The following PTPRN2 variants were observed in gnomAD, a reference collection of about 807,000 sequenced individuals.
PTPRN2 encodes the protein protein tyrosine phosphatase receptor type N2, also known as receptor-type tyrosine-protein phosphatase N2.
Under a neutral mutation model 118.8 loss-of-function variants are expected in PTPRN2, and 74 were observed. That is an observed-to-expected ratio of 0.62 (90% CI 0.52 to 0.76). The LOEUF (loss-of-function observed/expected upper bound fraction) is 0.76. PTPRN2 is among the 30% of genes least tolerant of loss of function. The pLI, the probability that PTPRN2 is intolerant of heterozygous loss-of-function variation, is 0.00. For missense variants in PTPRN2, 1,481 were observed against 1,394.4 expected, an observed-to-expected ratio of 1.06 and a Z score of -0.99; for synonymous variants, 641 against 608.0, an observed-to-expected ratio of 1.05 and a Z score of -0.80.
At chr7:158,337,429 TAAGAGGTGACACCCACAGACG>T (rs1805860341) in intron 2 of PTPRN2, among the ~76,000 whole-genome samples, 6 of 69,462 alleles carry the variant, frequency 8.6e-5, no homozygotes, top group African/African-American at 3.2e-4. Flanking sequence ...ACTCTCACCA[TAAGAGGTGACACCCACAGACG>T]TCACTCAAAC....
chr7:158,342,142 G>A (rs567333309), intron 2 of PTPRN2, among the ~76,000 whole-genome samples: 74 of 144,236 alleles, frequency 5.1e-4, no homozygotes, highest in African/African-American at 1.8e-3. Context: ...GCTGTCGCCC[G>A]CAGAGGTCAC....
chr7:158,005,544 G>A (rs755234291), intron 11 of PTPRN2, among the ~76,000 whole-genome samples: 3 of 152,244 alleles, frequency 2.0e-5, no homozygotes, highest in Non-Finnish European at 4.4e-5. Flanking sequence ...AAAAGTAGGG[G>A]CTAGTAAAGC....
chr7:158,143,101 G>A (rs574523511), intron 6 of PTPRN2, among the ~76,000 whole-genome samples: 7 of 152,172 alleles, frequency 4.6e-5, no homozygotes, highest in East Asian at 1.9e-4. Context: ...CTTTCCCAGC[G>A]ATTATCATCG....
At position 157,893,960 on chromosome 7, in the gene PTPRN2, T is replaced by A. The variant is rs1692844419; in HGVS notation, c.1788+4713A>T. Among the ~76,000 whole-genome samples, 2 of 152,182 alleles carry A rather than the reference T, an allele frequency of 1.3e-5. No homozygotes were observed. The highest frequency in any genetic ancestry group is 6.5e-5 in the Admixed American group (1 of 15,276). Reference sequence around the variant, plus strand: ...TGCAGGGGACGGCTGGGTTCTGCCTTCAGAGGAAACAATGGGCCTTATTCC... The same window carrying A: ...TGCAGGGGACGGCTGGGTTCTGCCTACAGAGGAAACAATGGGCCTTATTCC... On this transcript the variant is annotated intron_variant, in intron 12 of 22. Transcript: ENST00000389418. The surrounding 1 kb of genome is among the most constrained non-coding windows in gnomAD (Gnocchi z 4.0).
At chr7:158,139,510 A>G (rs1819176555) in intron 6 of PTPRN2, among the ~76,000 whole-genome samples, 1 of 152,028 alleles carries the variant, frequency 6.6e-6, no homozygotes, top group Non-Finnish European at 1.5e-5. Flanking sequence ...TGGGAAAGGA[A>G]CCAGAAACAC....
intron 2 of PTPRN2, among the ~76,000 whole-genome samples, chr7:158,439,603 A>G (rs1413347144): frequency 6.6e-6 from 1 of 152,234 alleles, no homozygotes; most frequent in African/African-American, 2.4e-5. Flanking sequence ...CTTTACAGAT[A>G]AAGCTTGCCA....
At position 158,114,104 on chromosome 7, in the gene PTPRN2, G is replaced by A. The variant is rs369657854; in HGVS notation, c.1557-3189C>T. Among the ~76,000 whole-genome samples, 11 of 152,360 alleles carry A rather than the reference G, an allele frequency of 7.2e-5. No homozygotes were observed. In the East Asian group the frequency reaches 2.1e-3, roughly 29 times the overall value. ...CCAAACAAAAAAACCCTTTGTAGGT[G>A]AAGGTGACAGCTGGTCCAGTTTGGG... On this transcript the variant is annotated intron_variant, in intron 9 of 22. Coordinates refer to ENST00000389418, the MANE Select transcript of PTPRN2 (RefSeq NM_002847.5).
At chr7:157,597,413 CT>C (rs1171058698) in intron 16 of PTPRN2, among the ~76,000 whole-genome samples, 2 of 151,602 alleles carry the variant, frequency 1.3e-5, no homozygotes, top group African/African-American at 4.8e-5. Flanking sequence ...ACAGAGACCC[CT>C]GTCTCTTCCT....
chr7:157,962,646 G>T (rs1801626765), intron 11 of PTPRN2, among the ~76,000 whole-genome samples: 1 of 152,210 alleles, frequency 6.6e-6, no homozygotes, highest in Non-Finnish European at 1.5e-5. Context: ...GCAGGTACTT[G>T]AGGAACACCT....
intron 9 of PTPRN2, among the ~76,000 whole-genome samples, chr7:158,129,437 C>T: frequency 6.9e-6 from 1 of 145,666 alleles, no homozygotes. Context: ...ATGCAGCATA[C>T]TACATACCAC....
intron 14 of PTPRN2, among the ~76,000 whole-genome samples, chr7:157,630,990 T>A (rs1353813240): frequency 6.6e-6 from 1 of 152,214 alleles, no homozygotes; most frequent in African/African-American, 2.4e-5. Flanking sequence ...GCACCACAAC[T>A]GGCTTCCCTG....
chr7:158,336,757 C>G (rs1394025149), intron 2 of PTPRN2, among the ~76,000 whole-genome samples: 1 of 92,802 alleles, frequency 1.1e-5, no homozygotes, highest in South Asian at 4.5e-4. Context: ...CTCACACCCA[C>G]AGTCTCACCA....
At chr7:157,748,750 T>G (rs1201011185) in intron 12 of PTPRN2, among the ~76,000 whole-genome samples, 2 of 117,544 alleles carry the variant, frequency 1.7e-5, no homozygotes, top group African/African-American at 3.5e-5. Context: ...GCTGTCCGGG[T>G]GATTCTGAGG....
chr7:158,147,016 G>A (rs1585617951), intron 6 of PTPRN2, among the ~76,000 whole-genome samples: 1 of 7,026 alleles, frequency 1.4e-4, no homozygotes, highest in Non-Finnish European at 2.8e-4. Context: ...CACGCCACGT[G>A]TCTTTCCCCC....
chr7:157,982,551 G>A (rs1279584733), intron 11 of PTPRN2, among the ~76,000 whole-genome samples: 2 of 127,412 alleles, frequency 1.6e-5, no homozygotes, highest in African/African-American at 6.1e-5. Context: ...AATGCAGAGT[G>A]CAGGGTCCCC....
intron 12 of PTPRN2, among the ~76,000 whole-genome samples, chr7:157,797,501 C>T (rs972664654): frequency 7.2e-6 from 1 of 138,234 alleles, no homozygotes; most frequent in African/African-American, 3.5e-5. Flanking sequence ...GTGAGGGTCA[C>T]AGGCTGAGGT....
rs1198982569 is a variant in PTPRN2, at chr7:157,585,047, T to A, written c.2497-6907A>T. ...GCTCATGGTGCACCTACCTGGCTTT[T>A]TTTTAGTAAACAAATATCTCAGTGT... On this transcript the variant is annotated intron_variant, in intron 17 of 22. Coordinates refer to ENST00000389418, the MANE Select transcript of PTPRN2 (RefSeq NM_002847.5). The surrounding 1 kb of genome is among the most constrained non-coding windows in gnomAD (Gnocchi z 5.2). Among the ~76,000 whole-genome samples the A allele has an allele frequency of 3.9e-5, 6 of 152,122 alleles. No individual in the cohort carries two copies. The highest frequency in any genetic ancestry group is 1.4e-4 in the African/African-American group (6 of 41,400).
At chr7:157,549,627 C>T (rs1382104615) in intron 21 of PTPRN2, among the ~76,000 whole-genome samples, 1 of 152,224 alleles carries the variant, frequency 6.6e-6, no homozygotes, top group East Asian at 1.9e-4. Context: ...ATGCTGGCTG[C>T]ACTCAAATCA....
chr7:157,545,282 T>A (rs1159170286), intron 22 of PTPRN2, among the ~76,000 whole-genome samples: 2 of 149,462 alleles, frequency 1.3e-5, no homozygotes, highest in South Asian at 2.1e-4. Flanking sequence ...GTGAGCAGTG[T>A]GCACGGCTGT....
Sources: allele counts gnomAD v4.1 joint callset (sites outside exome capture counted in the v4.1 genomes callset), GRCh38; gene constraint gnomAD v4.1.1; non-coding constraint Gnocchi (gnomAD v3.1); transcripts MANE v1.5; gene names NCBI Gene and HGNC (gene_info 2026-07-23, HGNC 2026-07-21).